Variants in EIF3H observed in about 807,000 individuals in gnomAD.
EIF3H encodes eIF-3-gamma.
In EIF3H, 26 loss-of-function variants were observed where a neutral mutation model predicts 44.2. The observed-to-expected ratio is 0.59, with a 90% confidence interval of 0.43 to 0.82. The LOEUF is 0.82. EIF3H is among the 40% of genes least tolerant of loss of function. EIF3H has a pLI of 0.00. For synonymous variants in EIF3H, 166 were observed against 151.9 expected (o/e 1.09, Z -0.68); for missense variants, 359 against 432.8 (o/e 0.83, Z 1.51).
chr8:116,704,350 G>A (rs1043169069), intron 2 of EIF3H, among the ~76,000 whole-genome samples: 1 of 152,202 alleles, frequency 6.6e-6, no homozygotes, highest in African/African-American at 2.4e-5. Context: ...CGTGCTCAAC[G>A]AATGTTAGCA....
chr8:116,672,218 C>G (rs575032387), intron 2 of EIF3H, among the ~76,000 whole-genome samples: 10 of 152,158 alleles, frequency 6.6e-5, no homozygotes, highest in Non-Finnish European at 1.5e-4. Flanking sequence ...AATCAATTAT[C>G]TCTACTGTGT....
At chr8:116,684,171 G>A (rs1353954734) in intron 2 of EIF3H, among the ~76,000 whole-genome samples, 1 of 152,214 alleles carries the variant, frequency 6.6e-6, no homozygotes, top group Admixed American at 6.5e-5. Flanking sequence ...AAAGGAGCCT[G>A]TCTTTGTTCT....
chr8:116,702,177 AG>A (rs1477707192), intron 2 of EIF3H, among the ~76,000 whole-genome samples: 1 of 152,162 alleles, frequency 6.6e-6, no homozygotes, highest in Non-Finnish European at 1.5e-5. Context: ...GGAATGGGGA[AG>A]GGGGTAGAGA....
intron 2 of EIF3H, among the ~76,000 whole-genome samples, chr8:116,674,898 T>C (rs1252928572): frequency 2.6e-5 from 4 of 152,208 alleles, no homozygotes; most frequent in Non-Finnish European, 5.9e-5. Context: ...AGTTGTTTTT[T>C]TTTAGATGTT....
chr8:116,759,163 G>A (rs1815489352), upstream of EIF3H, among the ~76,000 whole-genome samples: 1 of 152,146 alleles, frequency 6.6e-6, no homozygotes, highest in African/African-American at 2.4e-5. Flanking sequence ...AATTTATCTT[G>A]TATTCGCAAC....
chr8:116,655,346 A>T (rs992456956), intron 5 of EIF3H, among the ~76,000 whole-genome samples: 1 of 151,740 alleles, frequency 6.6e-6, no homozygotes, highest in African/African-American at 2.4e-5. Flanking sequence ...GGTGAAGCCA[A>T]TGTCAGGTTC....
intron 1 of EIF3H, among the ~76,000 whole-genome samples, chr8:116,739,999 C>CAG (rs1239245451): frequency 1.3e-5 from 2 of 152,114 alleles, no homozygotes; most frequent in Non-Finnish European, 2.9e-5. Context: ...AAAACACACA[C>CAG]ACACACAAAG....
At chr8:116,662,708 T>C (rs111792437) in intron 2 of EIF3H, among the ~76,000 whole-genome samples, 129 of 152,242 alleles carry the variant, frequency 8.5e-4, no homozygotes, top group African/African-American at 2.8e-3. Context: ...GAATACGAAA[T>C]GAAAAGCAAC....
chr8:116,752,916 C>T (rs375310273), intron 1 of EIF3H, among the ~76,000 whole-genome samples: 17 of 151,814 alleles, frequency 1.1e-4, no homozygotes, highest in African/African-American at 3.9e-4. Context: ...TCTGGGCAAA[C>T]GTGGGTATAC....
At chr8:116,738,022 G>A (rs1160912048) in intron 1 of EIF3H, among the ~76,000 whole-genome samples, 10 of 142,726 alleles carry the variant, frequency 7.0e-5, no homozygotes, top group African/African-American at 1.3e-4. Context: ...GCGACACAGC[G>A]AGGCTCCATC....
Position 116,643,980 on chromosome 8 carries a change from A to G in EIF3H, c.*1026T>C, listed in dbSNP as rs1813260527. 1 of 152,240 alleles carries G rather than the reference A, an allele frequency of 6.6e-6. No homozygotes were observed. The highest frequency in any genetic ancestry group is 2.4e-5 in the African/African-American group (1 of 41,450). The allele number at this position is 152,240 out of a possible 1,614,324, so 9.4% of individuals were successfully genotyped here. On this transcript the variant is annotated 3_prime_UTR_variant, in exon 8 of 8. Transcript: ENST00000521861. The stretch of plus-strand genomic sequence containing the variant: ...TCTCCTAATTCCTAATTCCTCATTC[A>G]CAACACTTGCTGTTAGCAGAATTAT...
chr8:116,671,637 G>A (rs1489460372), intron 2 of EIF3H, among the ~76,000 whole-genome samples: 2 of 152,220 alleles, frequency 1.3e-5, no homozygotes, highest in African/African-American at 4.8e-5. Flanking sequence ...TAAAGACAGA[G>A]AAAGCTCCTG....
intron 2 of EIF3H, among the ~76,000 whole-genome samples, chr8:116,678,722 G>A (rs1368744941): frequency 2.7e-5 from 4 of 147,352 alleles, no homozygotes; most frequent in South Asian, 2.2e-4. Context: ...CTGCTCGGCC[G>A]CCCCGTCTGA....
At chr8:116,754,358 G>T (rs530021295) in intron 1 of EIF3H, among the ~76,000 whole-genome samples, 1 of 152,048 alleles carries the variant, frequency 6.6e-6, no homozygotes, top group Non-Finnish European at 1.5e-5. Flanking sequence ...TGATCCGCCC[G>T]CCTCGGCCTC....
At chr8:116,649,108 C>T (rs1468794304) in intron 5 of EIF3H, among the ~76,000 whole-genome samples, 182 bp from the exon 6 acceptor site, 1 of 152,118 alleles carries the variant, frequency 6.6e-6, no homozygotes, top group Admixed American at 6.5e-5. Flanking sequence ...CTTTCCATAC[C>T]GAACTTCCAA....
chr8:116,676,873 T>C (rs771818411), intron 2 of EIF3H, among the ~76,000 whole-genome samples: 5 of 152,264 alleles, frequency 3.3e-5, no homozygotes, highest in African/African-American at 1.2e-4. Context: ...GTCTACATTT[T>C]CCAAATAAGC....
chr8:116,704,144 G>C (rs1814429358), intron 2 of EIF3H, among the ~76,000 whole-genome samples: 1 of 152,144 alleles, frequency 6.6e-6, no homozygotes, highest in African/African-American at 2.4e-5. Context: ...ATCAACAAAA[G>C]GGTGTCCTAT....
intron 5 of EIF3H, among the ~76,000 whole-genome samples, chr8:116,653,071 G>T (rs1003362059): frequency 1.3e-5 from 2 of 152,226 alleles, no homozygotes; most frequent in Non-Finnish European, 2.9e-5. Context: ...AGTGACAGTA[G>T]GGAAAAAATA....
intron 2 of EIF3H, among the ~76,000 whole-genome samples, chr8:116,676,532 G>GC (rs746310205): frequency 2.9e-4 from 44 of 152,184 alleles, no homozygotes; most frequent in East Asian, 2.9e-3. Flanking sequence ...GGGGGAAACC[G>GC]CCCCCCATGA....
Sources: gnomAD v4.1 joint callset for allele counts (sites outside exome capture counted in the v4.1 genomes callset) on GRCh38, gnomAD v4.1.1 for gene constraint, MANE v1.5 for transcripts, NCBI Gene and HGNC (gene_info 2026-07-23, HGNC 2026-07-21) for gene names.